Variants in CDH4 observed in about 807,000 individuals in gnomAD.
CDH4 encodes the protein cadherin-4.
A neutral mutation model predicts 86.0 loss-of-function variants in CDH4; 33 were observed. The observed-to-expected ratio is 0.38, with a 90% CI of 0.29 to 0.51. The LOEUF (loss-of-function observed/expected upper bound fraction) is 0.51, where lower values mean the gene tolerates loss of function less well. Ranked by LOEUF, CDH4 falls within the 20% of genes least tolerant of loss-of-function variation. The pLI is 0.86. For synonymous variants in CDH4, 555 were observed against 549.4 expected (o/e 1.01, Z -0.14); for missense variants, 1,114 against 1,307.4 (o/e 0.85, Z 2.28).
chr20:61,571,416 G>A (rs1190505721), intron 2 of CDH4, among the ~76,000 whole-genome samples: 1 of 152,188 alleles, frequency 6.6e-6, no homozygotes. Flanking sequence ...AGGGTACCTG[G>A]GCTGTAGGTT....
intron 2 of CDH4, among the ~76,000 whole-genome samples, chr20:61,422,221 G>C (rs2145503441): frequency 6.6e-6 from 1 of 152,056 alleles, no homozygotes; most frequent in Non-Finnish European, 1.5e-5. Flanking sequence ...GAGGTCGGGA[G>C]TTCATGACCC....
chr20:61,915,393 C>G (rs1389400573), intron 9 of CDH4, among the ~76,000 whole-genome samples: 1 of 152,208 alleles, frequency 6.6e-6, no homozygotes, highest in Non-Finnish European at 1.5e-5. Flanking sequence ...AGCCTGAAAC[C>G]TTCCTAGTGC....
chr20:61,765,229 G>T (rs1364818619), intron 3 of CDH4, among the ~76,000 whole-genome samples: 1 of 151,878 alleles, frequency 6.6e-6, no homozygotes, highest in Non-Finnish European at 1.5e-5. Context: ...GCTCGGAGGG[G>T]TCCCGAGGAT....
intron 2 of CDH4, among the ~76,000 whole-genome samples, chr20:61,691,730 A>T (rs1403697834): frequency 1.3e-5 from 2 of 152,210 alleles, no homozygotes; most frequent in Non-Finnish European, 2.9e-5. Flanking sequence ...AATGGTATTT[A>T]TGGAGCTAAA....
At chr20:61,747,405 C>A in intron 3 of CDH4, among the ~76,000 whole-genome samples, 1 of 146,538 alleles carries the variant, frequency 6.8e-6, no homozygotes. Context: ...CCGAGTGAGC[C>A]ACCGCACTCC....
chr20:61,617,604 C>T (rs550069449), intron 2 of CDH4, among the ~76,000 whole-genome samples: 2 of 152,320 alleles, frequency 1.3e-5, no homozygotes, highest in East Asian at 3.9e-4. Context: ...CTGGGGGCGA[C>T]AGCGTGGTCT....
chr20:61,793,858 G>T (rs1217801314), intron 4 of CDH4, among the ~76,000 whole-genome samples: 1 of 146,578 alleles, frequency 6.8e-6, no homozygotes, highest in African/African-American at 2.5e-5. Flanking sequence ...AAAAAAAGAG[G>T]CCAGGTACGG....
At position 61,815,953 on chromosome 20, in the gene CDH4, GA is replaced by G. The variant is rs1980694451; in HGVS notation, c.577-28713del. Among the ~76,000 whole-genome samples, 3 of 152,188 alleles carry G rather than the reference GA, an allele frequency of 2.0e-5. No homozygotes were observed. In the South Asian group the frequency reaches 6.2e-4, roughly 32 times the overall value. On this transcript the variant is annotated intron_variant, in intron 4 of 15. Transcript: ENST00000614565. ...CTTCCACTTCTCTCAATTTACAAAA[GA>G]AGGTTTAAGGAAGCAATTTCACTTG...
Position 61,565,242 on chromosome 20 carries a change from GCGGTGCTCTTGGTGA to G in CDH4, c.170-178320_170-178306del, listed in dbSNP as rs1440355154. On this transcript the variant is annotated intron_variant, in intron 2 of 15. Coordinates refer to ENST00000614565, the MANE Select transcript of CDH4 (RefSeq NM_001794.5). ...GTGGTAGGTGGTGGTGGTGGTGGTG[GCGGTGCTCTTGGTGA>G]TGGTGGTGGTGGTCCTCTTGGTGAT... Among the ~76,000 whole-genome samples the G allele has an allele frequency of 4.2e-3, 289 of 68,234 alleles. 32 individuals are homozygous for G. Among genetic ancestry groups the G allele is most frequent in the Non-Finnish European group, 5.9e-3 (193 of 32,744 alleles). The allele number at this position is 68,234 out of a possible 152,430, so 44.8% of individuals were successfully genotyped here. A position where few individuals can be genotyped will look rare whatever the true frequency, so the allele number is the denominator to read the frequency against.
chr20:61,319,165 TA>T (rs1471845973), intron 2 of CDH4, among the ~76,000 whole-genome samples: 1 of 151,378 alleles, frequency 6.6e-6, no homozygotes, highest in East Asian at 1.9e-4. Context: ...ATATAACATA[TA>T]AAAATATAAC....
At chr20:61,504,899 T>G (rs1217614877) in intron 2 of CDH4, among the ~76,000 whole-genome samples, 1 of 152,154 alleles carries the variant, frequency 6.6e-6, no homozygotes, top group East Asian at 1.9e-4. Flanking sequence ...TCCAAGGGCT[T>G]GATTTAGAAG....
intron 2 of CDH4, among the ~76,000 whole-genome samples, chr20:61,418,320 C>A (rs1046055704): frequency 6.6e-6 from 1 of 151,924 alleles, no homozygotes; most frequent in African/African-American, 2.4e-5. Context: ...ACACCATTCT[C>A]CTGCCTCAGC....
intron 2 of CDH4, among the ~76,000 whole-genome samples, chr20:61,654,147 G>T (rs2087161003): frequency 6.6e-6 from 1 of 152,174 alleles, no homozygotes; most frequent in Non-Finnish European, 1.5e-5. Flanking sequence ...TGAGCACTGA[G>T]TGAACCAGAC....
intron 4 of CDH4, among the ~76,000 whole-genome samples, chr20:61,808,925 G>A (rs549236814): frequency 6.6e-6 from 1 of 152,358 alleles, no homozygotes; most frequent in South Asian, 2.1e-4. Context: ...ACAACAGCAA[G>A]TCAGTAGCCA....
chr20:61,577,961 C>T (rs1406049064), intron 2 of CDH4, among the ~76,000 whole-genome samples: 1 of 152,136 alleles, frequency 6.6e-6, no homozygotes, highest in Non-Finnish European at 1.5e-5. Flanking sequence ...CTTCAAGCCC[C>T]ACTCCTTCCC....
chr20:61,352,751 C>T (rs1288420478), intron 2 of CDH4, among the ~76,000 whole-genome samples: 3 of 152,086 alleles, frequency 2.0e-5, no homozygotes, highest in African/African-American at 7.2e-5. Flanking sequence ...CTGCCATTCA[C>T]TCCCCCCGGT....
At chr20:61,620,410 A>G (rs1026227763) in intron 2 of CDH4, among the ~76,000 whole-genome samples, 2 of 151,854 alleles carry the variant, frequency 1.3e-5, no homozygotes, top group Non-Finnish European at 2.9e-5. Context: ...GGATAGATAG[A>G]TGGATGATGG....
intron 2 of CDH4, among the ~76,000 whole-genome samples, chr20:61,731,991 G>A (rs2088195373): frequency 6.6e-6 from 1 of 152,072 alleles, no homozygotes; most frequent in African/African-American, 2.4e-5. Context: ...ACCTGAGCCA[G>A]CGCCACCACC....
chr20:61,614,641 G>A (rs765720245), intron 2 of CDH4, among the ~76,000 whole-genome samples: 90 of 152,260 alleles, frequency 5.9e-4, no homozygotes, highest in Non-Finnish European at 1.1e-3. Context: ...TAGTTTGGGT[G>A]TTGGAGAATT....
Sources: allele counts gnomAD v4.1 joint callset (sites outside exome capture counted in the v4.1 genomes callset), GRCh38; gene constraint gnomAD v4.1.1; transcripts MANE v1.5; gene names NCBI Gene and HGNC (gene_info 2026-07-23, HGNC 2026-07-21).